The following RXRG variants were observed in gnomAD, a reference collection of about 807,000 sequenced individuals.
RXRG encodes retinoid X receptor gamma.
RXRG carries 19 observed loss-of-function variants against 49.2 expected under a neutral mutation model. The observed-to-expected ratio is 0.39, with a 90% CI of 0.27 to 0.57. The LOEUF is 0.57. Ranked by LOEUF, RXRG falls within the 20% of genes least tolerant of loss-of-function variation. The probability of loss-of-function intolerance (pLI) is 0.64; values close to 1 mark genes in which losing one functional copy is unlikely to be tolerated. For synonymous variants in RXRG, 224 were observed against 216.6 expected (o/e 1.03, Z -0.30); for missense variants, 452 against 592.5 (o/e 0.76, Z 2.46).
chr1:165,410,996 C>A lies in RXRG; in HGVS notation c.736G>T (p.Val246Phe), dbSNP rs61220446. The change falls in exon 5 of 10, where the codon GTT (valine) becomes TTT (phenylalanine). Residue 246 changes from valine to phenylalanine, a missense_variant. Val to Phe is a conservative substitution (Grantham distance 50). Coordinates refer to ENST00000359842, the MANE Select transcript of RXRG (RefSeq NM_006917.5). ...CCATAGGATTCTGTCTTTGGTTCAA[C>A]AGCAAGTTCAGCTTCTAGAATCCTC... ...VERILEAELAVEPKTESYGDM... is the reference protein window; with the variant it reads ...VERILEAELAFEPKTESYGDM... 6.2e-7 allele frequency: 1 copy of A among 1,614,176 alleles called. No individual in the cohort carries two copies. Among genetic ancestry groups the A allele is most frequent in the Admixed American group, 1.7e-5 (1 of 60,026 alleles).
intron 9 of RXRG, among the ~76,000 whole-genome samples, chr1:165,405,078 T>G (rs985656618): frequency 6.6e-6 from 1 of 152,210 alleles, no homozygotes; most frequent in African/African-American, 2.4e-5. Context: ...TTTTATAATT[T>G]TTTTAACCAA....
intron 3 of RXRG, among the ~76,000 whole-genome samples, chr1:165,418,110 C>CAAAAAA (rs57782668): frequency 6.8e-5 from 5 of 73,856 alleles, no homozygotes; most frequent in South Asian, 6.1e-4. Context: ...GATCCCGTCT[C>CAAAAAA]AAAAAAAAAA....
intron 4 of RXRG, among the ~76,000 whole-genome samples, chr1:165,411,741 G>A (rs906205406): frequency 1.3e-5 from 2 of 152,146 alleles, no homozygotes; most frequent in African/African-American, 4.8e-5. Context: ...ATAGGCAAAG[G>A]TGTAGGCTGA....
At chr1:165,405,992 C>A (rs1327943601) in intron 9 of RXRG, among the ~76,000 whole-genome samples, 4 of 152,214 alleles carry the variant, frequency 2.6e-5, no homozygotes, top group Non-Finnish European at 4.4e-5. Context: ...TAAAATTAAT[C>A]CCCCAAACAA....
intron 2 of RXRG, among the ~76,000 whole-genome samples, chr1:165,422,635 C>A (rs12140146): frequency 6.6e-6 from 1 of 152,156 alleles, no homozygotes; most frequent in Admixed American, 6.5e-5. Context: ...CTGAGAAGTG[C>A]GCTATGACAA....
intron 2 of RXRG, among the ~76,000 whole-genome samples, chr1:165,423,252 G>T (rs1335772302): frequency 6.6e-6 from 1 of 152,184 alleles, no homozygotes; most frequent in Non-Finnish European, 1.5e-5. Context: ...CGGCTGTCTT[G>T]TTCCATTAGA....
At chr1:165,432,821 T>A (rs1392582552) in intron 1 of RXRG, among the ~76,000 whole-genome samples, 1 of 152,238 alleles carries the variant, frequency 6.6e-6, no homozygotes, top group Non-Finnish European at 1.5e-5. Context: ...AGATTCTGTC[T>A]AGCCCTCAGC....
chr1:165,416,800 T>C (rs1431694553), intron 4 of RXRG, among the ~76,000 whole-genome samples: 1 of 152,168 alleles, frequency 6.6e-6, no homozygotes, highest in Non-Finnish European at 1.5e-5. Flanking sequence ...CCTCTTGCCC[T>C]CTCTGCTCTG....
chr1:165,409,445 C>T (rs1200902217), intron 7 of RXRG, 113 bp downstream of exon 7: 5 of 1,234,674 alleles, frequency 4.0e-6, no homozygotes, highest in East Asian at 3.2e-5. Context: ...CCAGCACTAC[C>T]CAGAGGTTCA....
chr1:165,409,993 C>T (rs531621219), intron 6 of RXRG, among the ~76,000 whole-genome samples: 22 of 151,792 alleles, frequency 1.4e-4, no homozygotes, highest in South Asian at 1.0e-3. Context: ...GAACATTTAG[C>T]GGATAATAGT....
At chr1:165,401,660 G>C (rs1211672081) in intron 9 of RXRG, among the ~76,000 whole-genome samples, 1 of 152,202 alleles carries the variant, frequency 6.6e-6, no homozygotes, top group East Asian at 1.9e-4. Context: ...CATGTCCCAG[G>C]ACTGCCCTCA....
At chr1:165,412,901 AT>A (rs1164986141) in intron 4 of RXRG, among the ~76,000 whole-genome samples, 2 of 152,122 alleles carry the variant, frequency 1.3e-5, no homozygotes, top group African/African-American at 4.8e-5. Context: ...TCTTGTATTA[AT>A]TTTTTTAAAG....
intron 4 of RXRG, among the ~76,000 whole-genome samples, chr1:165,412,890 T>C (rs1658000518): frequency 6.6e-6 from 1 of 152,198 alleles, no homozygotes; most frequent in Non-Finnish European, 1.5e-5. Flanking sequence ...TGTTGAATGC[T>C]TCTTGTATTA....
At chr1:165,420,896 C>T (rs772863442) in intron 2 of RXRG, among the ~76,000 whole-genome samples, 16 of 152,286 alleles carry the variant, frequency 1.1e-4, no homozygotes, top group Middle Eastern at 3.4e-3. Flanking sequence ...CAAGTTCAAA[C>T]GAAGGTGGTG....
chr1:165,438,943 T>C (rs1004551264), intron 1 of RXRG, among the ~76,000 whole-genome samples: 6 of 152,144 alleles, frequency 3.9e-5, no homozygotes, highest in African/African-American at 7.2e-5. Flanking sequence ...TTAAAAAGCA[T>C]AGAAGGAGCA....
chr1:165,409,500 C>T (rs752688097), intron 7 of RXRG, 58 bp downstream of exon 7: 11,613 of 1,026,588 alleles, frequency 0.011, 6 homozygotes, highest in South Asian at 0.017. Context: ...TATACACACA[C>T]ACACACACAC....
intron 1 of RXRG, among the ~76,000 whole-genome samples, chr1:165,434,567 T>C (rs1426009170): frequency 6.6e-6 from 1 of 152,184 alleles, no homozygotes; most frequent in Non-Finnish European, 1.5e-5. Context: ...TGGAAACTTG[T>C]AATGAATCAT....
At chr1:165,428,617 G>A (rs747020356) in intron 2 of RXRG, 102 bp downstream of exon 2, 28 of 1,362,764 alleles carry the variant, frequency 2.1e-5, no homozygotes, top group Non-Finnish European at 2.7e-5. Flanking sequence ...CCTTTGGCAA[G>A]CACGCATTAT....
chr1:165,429,298 T>A (rs1009530140), intron 1 of RXRG, among the ~76,000 whole-genome samples: 8 of 152,168 alleles, frequency 5.3e-5, no homozygotes, highest in African/African-American at 1.9e-4. Flanking sequence ...GACTGAGGCC[T>A]GGGCCAGCCA....
Sources: gnomAD v4.1 joint callset for allele counts (sites outside exome capture counted in the v4.1 genomes callset) on GRCh38, gnomAD v4.1.1 for gene constraint, MANE v1.5 for transcripts, NCBI Gene and HGNC (gene_info 2026-07-23, HGNC 2026-07-21) for gene names.